Variants in OLA1 observed in about 807,000 individuals in gnomAD.
The protein encoded by OLA1 is obg-like ATPase 1.
Under a neutral mutation model 48.4 loss-of-function variants are expected in OLA1, and 14 were observed. That is an observed-to-expected ratio of 0.29 (90% CI 0.19 to 0.45). OLA1 has a LOEUF of 0.45. Ranked by LOEUF, OLA1 falls within the 20% of genes least tolerant of loss-of-function variation. The pLI is 1.00. For synonymous variants in OLA1, 127 were observed against 150.4 expected (o/e 0.84, Z 1.14); for missense variants, 325 against 467.1 (o/e 0.70, Z 2.80).
chr2:174,088,396 G>A (rs769777156), intron 7 of OLA1, among the ~76,000 whole-genome samples: 9 of 152,138 alleles, frequency 5.9e-5, no homozygotes, highest in South Asian at 4.1e-4. Context: ...ATTAATGTCA[G>A]TTTATAGTAT....
At chr2:174,123,704 T>C (rs763550598) in intron 5 of OLA1, 29 bp from the exon 6 acceptor site, 2 of 1,198,968 alleles carry the variant, frequency 1.7e-6, no homozygotes, top group Admixed American at 4.9e-5. Context: ...AAGGTAAATA[T>C]ATATGAATAA....
chr2:174,210,209 C>A (rs971309412), intron 4 of OLA1, among the ~76,000 whole-genome samples: 3 of 152,080 alleles, frequency 2.0e-5, no homozygotes, highest in African/African-American at 4.8e-5. Context: ...ATTTTAATTA[C>A]TGAAAACGAA....
intron 3 of OLA1, among the ~76,000 whole-genome samples, chr2:174,225,341 A>G (rs1688591989): frequency 6.6e-6 from 1 of 152,170 alleles, no homozygotes. Context: ...ACCTAAGGTC[A>G]GGAGTTTGAG....
intron 7 of OLA1, among the ~76,000 whole-genome samples, chr2:174,088,176 G>A (rs1048548664): frequency 6.6e-6 from 1 of 152,174 alleles, no homozygotes; most frequent in Non-Finnish European, 1.5e-5. Context: ...CAGTCATTAA[G>A]GACTTGGCTT....
chr2:174,232,306 T>C (rs1057082147), intron 2 of OLA1, among the ~76,000 whole-genome samples: 1 of 152,186 alleles, frequency 6.6e-6, no homozygotes, highest in African/African-American at 2.4e-5. Flanking sequence ...GAATTAACTA[T>C]TTATATATAA....
intron 5 of OLA1, 54 bp from the exon 6 acceptor site, chr2:174,123,729 A>G: frequency 1.1e-6 from 1 of 900,502 alleles, no homozygotes; most frequent in Non-Finnish European, 1.6e-6. Context: ...ACATTTAGAT[A>G]CTAAATATTA....
At chr2:174,111,948 A>G (rs763172183) in intron 7 of OLA1, among the ~76,000 whole-genome samples, 29 of 152,226 alleles carry the variant, frequency 1.9e-4, no homozygotes, top group Admixed American at 4.6e-4. Context: ...AAATTGGAAA[A>G]TAGTTTTTAG....
intron 4 of OLA1, among the ~76,000 whole-genome samples, chr2:174,179,616 T>G (rs1027558198): frequency 6.6e-6 from 1 of 152,038 alleles, no homozygotes; most frequent in Admixed American, 6.5e-5. Context: ...AATATTATAA[T>G]AAATTTCCTA....
chr2:174,181,708 T>C (rs905352358), intron 4 of OLA1, among the ~76,000 whole-genome samples: 1 of 152,158 alleles, frequency 6.6e-6, no homozygotes, highest in African/African-American at 2.4e-5. Flanking sequence ...TTGCCTCTGT[T>C]TACAAATATT....
chr2:174,239,703 A>G (rs184650605), intron 2 of OLA1, among the ~76,000 whole-genome samples: 109 of 134,494 alleles, frequency 8.1e-4, no homozygotes, highest in African/African-American at 2.7e-3. Context: ...CATAGTGAGA[A>G]CCCATCTCTA....
chr2:174,110,092 T>C (rs1187667843), intron 7 of OLA1, among the ~76,000 whole-genome samples: 2 of 49,726 alleles, frequency 4.0e-5, no homozygotes, highest in Non-Finnish European at 7.7e-5. Flanking sequence ...TTGCTAAGGA[T>C]TTTTTTTTTT....
chr2:174,153,364 G>A (rs1455806965), intron 4 of OLA1, among the ~76,000 whole-genome samples: 3 of 151,916 alleles, frequency 2.0e-5, no homozygotes, highest in African/African-American at 7.3e-5. Context: ...TTAAAGCAGT[G>A]AAAAACAATA....
At chr2:174,138,281 TTAA>T (rs1369997097) in intron 5 of OLA1, among the ~76,000 whole-genome samples, 1 of 152,184 alleles carries the variant, frequency 6.6e-6, no homozygotes, top group African/African-American at 2.4e-5. Flanking sequence ...AGGGGTATTA[TTAA>T]TATTTGGCCC....
intron 4 of OLA1, among the ~76,000 whole-genome samples, chr2:174,181,826 A>G (rs1687548506): frequency 6.6e-6 from 1 of 152,088 alleles, no homozygotes; most frequent in Non-Finnish European, 1.5e-5. Flanking sequence ...CACTTACTAT[A>G]CTATGCTCCT....
At chr2:174,179,237 C>G (rs1002712082) in intron 4 of OLA1, among the ~76,000 whole-genome samples, 1 of 150,318 alleles carries the variant, frequency 6.7e-6, no homozygotes, top group Non-Finnish European at 1.5e-5. Context: ...TCCTAAAGTA[C>G]AATTTTATGG....
intron 5 of OLA1, among the ~76,000 whole-genome samples, chr2:174,138,623 G>A (rs1320227892): frequency 1.3e-5 from 2 of 151,988 alleles, no homozygotes; most frequent in East Asian, 1.9e-4. Flanking sequence ...ACAAACCTTC[G>A]ATTTGTAAAA....
At chr2:174,244,917 T>A (rs1449674380) in intron 2 of OLA1, among the ~76,000 whole-genome samples, 1 of 152,112 alleles carries the variant, frequency 6.6e-6, no homozygotes, top group African/African-American at 2.4e-5. Context: ...CAGGCATGAA[T>A]CACCATGCCC....
At chr2:174,132,425 A>C (rs1481732735) in intron 5 of OLA1, among the ~76,000 whole-genome samples, 2 of 152,026 alleles carry the variant, frequency 1.3e-5, no homozygotes, top group South Asian at 2.1e-4. Flanking sequence ...TAACTCCTTC[A>C]TAAGAATACT....
intron 4 of OLA1, among the ~76,000 whole-genome samples, chr2:174,191,983 T>TATG (rs1687787256): frequency 6.6e-6 from 1 of 152,204 alleles, no homozygotes; most frequent in African/African-American, 2.4e-5. Flanking sequence ...ATATTATTGA[T>TATG]ATGACTGGAC....
Sources: allele counts gnomAD v4.1 joint callset (sites outside exome capture counted in the v4.1 genomes callset), GRCh38; gene constraint gnomAD v4.1.1; transcripts MANE v1.5; gene names NCBI Gene and HGNC (gene_info 2026-07-23, HGNC 2026-07-21).